The following ATAD2 variants were observed in gnomAD, a reference collection of about 807,000 sequenced individuals.
The protein encoded by ATAD2 is ATPase family AAA domain-containing protein 2.
In ATAD2, 62 loss-of-function variants were observed where a neutral mutation model predicts 168.9. The ratio of observed to expected loss-of-function variants is 0.37; its 90% CI spans 0.30 to 0.45. The LOEUF (loss-of-function observed/expected upper bound fraction) is 0.45, where lower values mean the gene tolerates loss of function less well. ATAD2 is among the 20% of genes least tolerant of loss of function. The pLI is 1.00. For missense variants in ATAD2, 1,419 were observed against 1,667.8 expected (o/e 0.85, Z 2.60); for synonymous variants, 613 against 571.6 (o/e 1.07, Z -1.03).
At chr8:123,411,478 A>C (rs1641834130) in intron 1 of ATAD2, among the ~76,000 whole-genome samples, 1 of 152,160 alleles carries the variant, frequency 6.6e-6, no homozygotes, top group Non-Finnish European at 1.5e-5. Context: ...TAGGCCGACT[A>C]AGAATCCGTA....
chr8:123,344,100 G>A (rs867827152), intron 19 of ATAD2, among the ~76,000 whole-genome samples: 11 of 152,146 alleles, frequency 7.2e-5, no homozygotes, highest in African/African-American at 2.4e-4. Flanking sequence ...CCACATACCA[G>A]TGCTCATACT....
chr8:123,336,762 G>A (rs1182641931), intron 21 of ATAD2, among the ~76,000 whole-genome samples: 1 of 152,066 alleles, frequency 6.6e-6, no homozygotes, highest in African/African-American at 2.4e-5. Flanking sequence ...TTGGGCAGCT[G>A]TATTCTCCAG....
At chr8:123,327,066 G>A (rs1385245989) in intron 25 of ATAD2, among the ~76,000 whole-genome samples, 4 of 151,996 alleles carry the variant, frequency 2.6e-5, no homozygotes, top group African/African-American at 7.2e-5. Context: ...TAGCCACCAC[G>A]CCCAGCTAAT....
chr8:123,334,704 T>C (rs139898231), intron 22 of ATAD2, among the ~76,000 whole-genome samples: 2,309 of 152,338 alleles, frequency 0.015, 25 homozygotes, highest in Middle Eastern at 0.024. Context: ...ATAGAGGTTG[T>C]TATTGCATTG....
intron 6 of ATAD2, 151 bp from the exon 7 acceptor site, chr8:123,370,175 A>C: frequency 1.5e-6 from 1 of 663,544 alleles, no homozygotes; most frequent in Non-Finnish European, 2.5e-6. Context: ...AAACTTATCT[A>C]CTCCTAGATT....
chr8:123,345,563 T>A (rs534966620), intron 18 of ATAD2, among the ~76,000 whole-genome samples: 1 of 149,922 alleles, frequency 6.7e-6, no homozygotes, highest in Admixed American at 6.6e-5. Flanking sequence ...GCACCTGTAG[T>A]CCCAGCTACT....
At chr8:123,387,201 A>G (rs1325528911) in intron 1 of ATAD2, among the ~76,000 whole-genome samples, 1 of 152,132 alleles carries the variant, frequency 6.6e-6, no homozygotes, top group Non-Finnish European at 1.5e-5. Context: ...AGTAATATCA[A>G]TATTTTTTCA....
chr8:123,374,939 ATCTT>A (rs757140161), intron 2 of ATAD2, among the ~76,000 whole-genome samples: 18 of 152,306 alleles, frequency 1.2e-4, no homozygotes, highest in Middle Eastern at 3.4e-3. Flanking sequence ...AGTTACTCAT[ATCTT>A]TCTGTCTTTT....
At chr8:123,396,909 G>A (rs1438683463), upstream of ATAD2, among the ~76,000 whole-genome samples, 1 of 151,918 alleles carries the variant, frequency 6.6e-6, no homozygotes, top group Non-Finnish European at 1.5e-5. Context: ...GCCTTTGACA[G>A]GTTTTGACTT....
At chr8:123,380,789 G>A in intron 1 of ATAD2, 112 bp from the exon 2 acceptor site, 1 of 1,036,362 alleles carries the variant, frequency 9.6e-7, no homozygotes, top group East Asian at 2.5e-5. Flanking sequence ...TTTTTGTGCA[G>A]AATCATTTTG....
chr8:123,369,883 T>G lies in ATAD2; in HGVS notation c.869A>C (p.Asn290Thr). The G allele has an allele frequency of 2.5e-6, 4 of 1,611,470 alleles. No homozygotes were observed. Among genetic ancestry groups the G allele is most frequent in the Non-Finnish European group, 3.4e-6 (4 of 1,179,120 alleles). Residue 290 changes from asparagine to threonine, a missense_variant, in exon 7 of 28, where the codon AAT becomes ACT. Transcript: ENST00000287394. ...CTGTCTAAGATAATATCGCTTCTGA[T>G]TCTCTTCTTCTCCATCTTCTTCATC... ...DEDEEDGEEENQKRYYLRQRK... is the reference protein window; with the variant it reads ...DEDEEDGEEETQKRYYLRQRK...
At chr8:123,412,784 A>T (rs1813179476) in intron 1 of ATAD2, among the ~76,000 whole-genome samples, 1 of 152,058 alleles carries the variant, frequency 6.6e-6, no homozygotes, top group South Asian at 2.1e-4. Flanking sequence ...TCTCAGCACA[A>T]CTTGGTTCCA....
At chr8:123,332,849 T>C (rs1281179951) in intron 24 of ATAD2, among the ~76,000 whole-genome samples, 4 of 35,970 alleles carry the variant, frequency 1.1e-4, no homozygotes, top group Non-Finnish European at 7.1e-4. Context: ...AATTTCCATA[T>C]ATATATATTC....
chr8:123,400,132 C>G (rs1812976522), upstream of ATAD2, among the ~76,000 whole-genome samples: 1 of 152,052 alleles, frequency 6.6e-6, no homozygotes, highest in African/African-American at 2.4e-5. The surrounding 1 kb of genome is among the most constrained non-coding windows in gnomAD (Gnocchi z 4.5). Context: ...CCACTGCACT[C>G]CAGCCTTGGC....
At chr8:123,338,216 G>A (rs1190397141) in intron 20 of ATAD2, among the ~76,000 whole-genome samples, 4 of 152,118 alleles carry the variant, frequency 2.6e-5, no homozygotes, top group African/African-American at 9.7e-5. Flanking sequence ...ATTAGCTGGC[G>A]TGGTGGCGTG....
Position 123,347,305 on chromosome 8 carries a change from A to C in ATAD2, c.1999T>G (p.Leu667Val). ...QIYTTSEKLQ[L>V]DLSSINISAK... ...GAGATATTAATTGAAGAGAGATCCA[A>C]CTGCAGTTTCTCACTAGTGGTATAG... is the stretch of plus-strand genomic sequence containing the variant. Residue 667 changes from leucine (L) to valine (V), a missense_variant, in exon 16 of 28, where the codon TTG (leucine) becomes GTG (valine). Leu to Val is a conservative substitution (Grantham distance 32, BLOSUM62 1). Around this residue, in one of 5 missense-constraint regions of ATAD2, gnomAD observed 545 missense variants for 724.9 expected, o/e 0.75. Transcript: ENST00000287394. The C allele has an allele frequency of 9.9e-6, 16 of 1,614,008 alleles. No individual in the cohort carries two copies. The highest frequency in any genetic ancestry group is 1.4e-5 in the Non-Finnish European group (16 of 1,180,008).
In ATAD2 at chr8:123,328,239, A is replaced by G; in HGVS notation, c.3819T>C (p.Asp1273=). 1 of 1,482,484 alleles carries G rather than the reference A, an allele frequency of 6.7e-7. No individual in the cohort carries two copies. The highest frequency in any genetic ancestry group is 8.9e-7 in the Non-Finnish European group (1 of 1,118,218). 91.8% of individuals were successfully genotyped at this position (1,482,484 alleles called of 1,614,324 possible). The part of the protein sequence containing the change: ...ELRDKIACNG[D]ASSSQIIHIS... ...TATGTATTATCTGAGAGCTAGAAGCATCTCCATTACAAGCAATCTTGTCTC... is the reference window on the plus strand; with the variant it reads ...TATGTATTATCTGAGAGCTAGAAGCGTCTCCATTACAAGCAATCTTGTCTC... The change falls in exon 25 of 28, where the codon GAT becomes GAC. Residue 1273 remains aspartate (D), a synonymous_variant. Coordinates refer to ENST00000287394, the MANE Select transcript of ATAD2 (RefSeq NM_014109.4).
intron 5 of ATAD2, 109 bp from the exon 6 acceptor site, chr8:123,371,099 C>T: frequency 8.9e-7 from 1 of 1,120,044 alleles, no homozygotes; most frequent in Non-Finnish European, 1.2e-6. Flanking sequence ...GCCATAAACT[C>T]TTACATTTCC....
chr8:123,356,677 TCTCA>T (rs1357709980), intron 12 of ATAD2, among the ~76,000 whole-genome samples, 200 bp from the exon 13 acceptor site: 1 of 150,548 alleles, frequency 6.6e-6, no homozygotes, highest in Non-Finnish European at 1.5e-5. Flanking sequence ...TGAGATGGAG[TCTCA>T]CTGTCACCCA....
Sources: gnomAD v4.1 joint callset for allele counts (sites outside exome capture counted in the v4.1 genomes callset) on GRCh38, gnomAD v4.1.1 for gene constraint, gnomAD v4.1.1 regional missense constraint, Gnocchi (gnomAD v3.1) non-coding constraint, MANE v1.5 for transcripts, NCBI Gene and HGNC (gene_info 2026-07-23, HGNC 2026-07-21) for gene names.